The following DNAJC21 variants were observed in gnomAD, a reference collection of about 807,000 sequenced individuals.
The protein encoded by DNAJC21 is dnaJ homolog subfamily C member 21.
In DNAJC21, 63 loss-of-function variants were observed where a neutral mutation model predicts 72.4. The ratio of observed to expected loss-of-function variants is 0.87; its 90% CI spans 0.71 to 1.07. The LOEUF (loss-of-function observed/expected upper bound fraction) is 1.07. DNAJC21 is among the 50% of genes least tolerant of loss of function. The pLI, the probability that DNAJC21 is intolerant of heterozygous loss-of-function variation, is 0.00. For missense variants in DNAJC21, 634 were observed against 644.8 expected, an observed-to-expected ratio of 0.98 and a Z score of 0.18; for synonymous variants, 203 against 216.7, an observed-to-expected ratio of 0.94 and a Z score of 0.56.
intron 1 of DNAJC21, among the ~76,000 whole-genome samples, chr5:34,932,119 A>G (rs1001991281): frequency 6.6e-6 from 1 of 152,146 alleles, no homozygotes; most frequent in African/African-American, 2.4e-5. Context: ...GCTGTAGCTT[A>G]AAGAACTTTA....
chr5:34,940,460 T>TC (rs1454407978), intron 6 of DNAJC21, among the ~76,000 whole-genome samples: 1 of 152,192 alleles, frequency 6.6e-6, no homozygotes, highest in African/African-American at 2.4e-5. Context: ...CTATAATAAA[T>TC]CCCAAATGAC....
intron 2 of DNAJC21, among the ~76,000 whole-genome samples, chr5:34,935,092 C>T (rs1764726706): frequency 6.6e-6 from 1 of 152,160 alleles, no homozygotes; most frequent in Non-Finnish European, 1.5e-5. Flanking sequence ...GGAAGCAGTA[C>T]CGTGTAGTGG....
chr5:34,950,262 A>G lies in DNAJC21; in HGVS notation c.1278A>G (p.Glu426=), dbSNP rs778325180. The change falls in exon 10 of 12, where the codon GAA becomes GAG. Residue 426 remains glutamate (E), a synonymous_variant. Coordinates refer to ENST00000648817, the MANE Select transcript of DNAJC21 (RefSeq NM_001012339.3). ...ACTTAAATCAAGACAGTGCCAAAGA[A>G]TTGGAAGATAGTCCCCAGGAAAATG... ...DTNLNQDSAK[E]LEDSPQENVS... is the part of the protein sequence containing the mutation. 6.2e-7 allele frequency: 1 copy of G among 1,613,996 alleles called. No homozygotes were observed. The highest frequency in any genetic ancestry group is 8.5e-7 in the Non-Finnish European group (1 of 1,179,944).
chr5:34,934,051 C>G (rs1183979699), intron 2 of DNAJC21, 143 bp downstream of exon 2: 1 of 637,222 alleles, frequency 1.6e-6, no homozygotes, highest in Non-Finnish European at 2.6e-6. Flanking sequence ...CACATAAAAT[C>G]TAACGTTTGG....
chr5:34,944,814 T>G, intron 7 of DNAJC21, 53 bp from the exon 8 acceptor site: 6 of 1,600,578 alleles, frequency 3.7e-6, no homozygotes, highest in Non-Finnish European at 5.1e-6. Context: ...CAACATTATC[T>G]GGACACGTGA....
intron 9 of DNAJC21, among the ~76,000 whole-genome samples, chr5:34,948,269 C>A (rs886496943): frequency 6.6e-6 from 1 of 152,102 alleles, no homozygotes; most frequent in Non-Finnish European, 1.5e-5. Flanking sequence ...AGTGAGTACA[C>A]CTAATGCACA....
chr5:34,942,999 C>T (rs1039846825), intron 7 of DNAJC21, among the ~76,000 whole-genome samples: 8 of 151,918 alleles, frequency 5.3e-5, no homozygotes, highest in African/African-American at 9.7e-5. Context: ...ACTCAGGAGG[C>T]GGAGGTTGTG....
intron 5 of DNAJC21, among the ~76,000 whole-genome samples, chr5:34,937,921 A>G (rs988288051): frequency 7.9e-5 from 12 of 151,970 alleles, no homozygotes; most frequent in Admixed American, 5.2e-4. Flanking sequence ...CAGCCTCCCA[A>G]GTAGCTGGGA....
At chr5:34,950,952 C>G (rs1370564674) in intron 10 of DNAJC21, 4 of 982,574 alleles carry the variant, frequency 4.1e-6, no homozygotes, top group Non-Finnish European at 4.8e-6. Context: ...TTTCTTATTT[C>G]TTGAGGAAAG....
chr5:34,935,584 T>C, intron 2 of DNAJC21, 126 bp from the exon 3 acceptor site: 1 of 1,072,376 alleles, frequency 9.3e-7, no homozygotes, highest in Non-Finnish European at 1.3e-6. Flanking sequence ...CATTAAAAAT[T>C]TTTGGTTATG....
chr5:34,942,376 G>A (rs1032483565), intron 7 of DNAJC21, among the ~76,000 whole-genome samples: 1 of 152,014 alleles, frequency 6.6e-6, no homozygotes, highest in Non-Finnish European at 1.5e-5. Flanking sequence ...GAATCAGCAA[G>A]GGAAAAAAAG....
chr5:34,933,885 G>C lies in DNAJC21; in HGVS notation c.168G>C (p.Leu56Phe). 1 of 1,613,880 alleles carries C rather than the reference G, an allele frequency of 6.2e-7. No homozygotes were observed. The change falls in exon 2 of 12, where the codon TTG (leucine) becomes TTC (phenylalanine). Residue 56 changes from leucine (L) to phenylalanine (F), a missense_variant. Transcript: ENST00000648817. ...TAATCCAAGCAGCATATGATGTGTTGAGTGACCCTCAGGAAAGAGCATGGT... is the reference window on the plus strand; with the variant it reads ...TAATCCAAGCAGCATATGATGTGTTCAGTGACCCTCAGGAAAGAGCATGGT... ...FKLIQAAYDV[L>F]SDPQERAWYD...
At chr5:34,936,473 G>A (rs1421894179) in intron 4 of DNAJC21, among the ~76,000 whole-genome samples, 1 of 151,986 alleles carries the variant, frequency 6.6e-6, no homozygotes, top group African/African-American at 2.4e-5. Flanking sequence ...TGTGCGCCAC[G>A]ACATCTAGCT....
intron 7 of DNAJC21, among the ~76,000 whole-genome samples, chr5:34,943,392 G>A (rs1398924553): frequency 2.0e-5 from 3 of 152,162 alleles, no homozygotes; most frequent in Admixed American, 6.5e-5. Flanking sequence ...CAGGAGGGAC[G>A]CCGCACAAGC....
At chr5:34,945,978 C>A (rs996403446) in intron 9 of DNAJC21, among the ~76,000 whole-genome samples, 175 bp downstream of exon 9, 7 of 152,112 alleles carry the variant, frequency 4.6e-5, no homozygotes, top group Non-Finnish European at 8.8e-5. Context: ...CTTCCCCCCC[C>A]TTGTATGTAT....
chr5:34,945,957 C>CT (rs1252157458), intron 9 of DNAJC21, among the ~76,000 whole-genome samples, 154 bp downstream of exon 9: 6 of 152,014 alleles, frequency 3.9e-5, no homozygotes, highest in Admixed American at 6.6e-5. Context: ...AAATATTTTC[C>CT]TTTTTTAGTG....
chr5:34,958,366 T>TA lies in DNAJC21; in HGVS notation c.*3653dup, dbSNP rs2112118968. The stretch of plus-strand genomic sequence containing the variant: ...ATATGGGAACTTGATTTTTGACAGA[T>TA]ACGGCAAGCTCTATGGGGAAAACAA... On this transcript the variant is annotated 3_prime_UTR_variant, in exon 12 of 12. Coordinates refer to ENST00000648817, the MANE Select transcript of DNAJC21 (RefSeq NM_001012339.3). 2 of 152,354 alleles carry TA rather than the reference T, an allele frequency of 1.3e-5. No homozygotes were observed. Among genetic ancestry groups the TA allele is most frequent in the South Asian group, 4.1e-4 (2 of 4,824 alleles). 9.4% of individuals were successfully genotyped at this position (152,354 alleles called of 1,614,324 possible). A position where few individuals can be genotyped will look rare whatever the true frequency, so the allele number is the denominator to read the frequency against.
rs1410777505 is a variant in DNAJC21, at chr5:34,958,361, A to G, written c.*3647A>G. The G allele has an allele frequency of 2.0e-5, 3 of 152,218 alleles. No homozygotes were observed. The highest frequency in any genetic ancestry group is 7.2e-5 in the African/African-American group (3 of 41,448). 9.4% of individuals were successfully genotyped at this position (152,218 alleles called of 1,614,324 possible). On this transcript the variant is annotated 3_prime_UTR_variant, in exon 12 of 12. Coordinates refer to ENST00000648817, the MANE Select transcript of DNAJC21 (RefSeq NM_001012339.3). ...TGTTTATATGGGAACTTGATTTTTG[A>G]CAGATACGGCAAGCTCTATGGGGAA...
chr5:34,945,728 G>A, intron 8 of DNAJC21, 33 bp from the exon 9 acceptor site: 4 of 1,554,756 alleles, frequency 2.6e-6, no homozygotes, highest in South Asian at 1.2e-5. Context: ...ACAGAGTCAA[G>A]TATTTGACAT....
Sources: gnomAD v4.1 joint callset for allele counts (sites outside exome capture counted in the v4.1 genomes callset) on GRCh38, gnomAD v4.1.1 for gene constraint, MANE v1.5 for transcripts, NCBI Gene and HGNC (gene_info 2026-07-23, HGNC 2026-07-21) for gene names.